RNF220: variants seen among roughly 807,000 people sequenced by gnomAD.
RNF220 encodes the protein E3 ubiquitin-protein ligase RNF220.
A neutral mutation model predicts 67.1 loss-of-function variants in RNF220; 7 were observed. That is an observed-to-expected ratio of 0.10 (90% CI 0.06 to 0.20). RNF220 has a LOEUF of 0.20. RNF220 is among the 10% of genes least tolerant of loss of function. The pLI, the probability that RNF220 is intolerant of heterozygous loss-of-function variation, is 1.00. For synonymous variants in RNF220, 270 were observed against 283.2 expected, an observed-to-expected ratio of 0.95 and a Z score of 0.47; for missense variants, 565 against 740.3, an observed-to-expected ratio of 0.76 and a Z score of 2.75.
chr1:44,448,711 GT>G (rs1252079771), intron 2 of RNF220, among the ~76,000 whole-genome samples: 4 of 152,212 alleles, frequency 2.6e-5, no homozygotes, highest in African/African-American at 9.6e-5. Context: ...AAGAAATTTA[GT>G]GTCTCGCCCT....
chr1:44,404,791 G>A (rs1305905779), upstream of RNF220, among the ~76,000 whole-genome samples: 3 of 152,124 alleles, frequency 2.0e-5, no homozygotes, highest in Non-Finnish European at 4.4e-5. Context: ...AAGACCCAGA[G>A]AAGCATTCCA....
chr1:44,524,168 C>T (rs1330276174), intron 2 of RNF220, among the ~76,000 whole-genome samples: 5 of 152,012 alleles, frequency 3.3e-5, no homozygotes, highest in South Asian at 4.1e-4. Context: ...AGCAAGGGCT[C>T]GTAAAGCTGC....
intron 5 of RNF220, among the ~76,000 whole-genome samples, chr1:44,627,682 A>G (rs953280933): frequency 5.3e-5 from 8 of 152,218 alleles, no homozygotes; most frequent in Non-Finnish European, 7.4e-5. Flanking sequence ...CATTTGTCCA[A>G]ATGGCAACAG....
At chr1:44,487,892 A>G (rs1015466182) in intron 2 of RNF220, among the ~76,000 whole-genome samples, 5 of 151,052 alleles carry the variant, frequency 3.3e-5, no homozygotes, top group African/African-American at 9.7e-5. Context: ...AAATAAATAA[A>G]TAAATATAAA....
At chr1:44,559,450 T>C (rs1398417703) in intron 2 of RNF220, among the ~76,000 whole-genome samples, 7 of 152,222 alleles carry the variant, frequency 4.6e-5, no homozygotes, top group Admixed American at 3.3e-4. Flanking sequence ...GCACTCTGCT[T>C]ATTAAGTGGA....
At chr1:44,514,910 G>A (rs1424644626) in intron 2 of RNF220, among the ~76,000 whole-genome samples, 2 of 152,130 alleles carry the variant, frequency 1.3e-5, no homozygotes, top group Admixed American at 6.5e-5. Context: ...GTCCAGCAGG[G>A]CAGGTAGAGT....
rs186288619 is a variant in RNF220, at chr1:44,623,956, G to C, written c.804+1169G>C. Reference sequence around the variant, plus strand: ...CTAAGAGGGCAGTTTTGGGAAAGGAGCCAGAGTGACAAGTATCACTTCCAT... The same window carrying C: ...CTAAGAGGGCAGTTTTGGGAAAGGACCCAGAGTGACAAGTATCACTTCCAT... On this transcript the variant is annotated intron_variant, in intron 4 of 14. Transcript: ENST00000361799. Among the ~76,000 whole-genome samples, 28 of 152,346 alleles carry C rather than the reference G, an allele frequency of 1.8e-4. No individual in the cohort carries two copies. The East Asian group carries it at 5.4e-3, about 29-fold the overall frequency.
intron 2 of RNF220, among the ~76,000 whole-genome samples, chr1:44,520,572 C>G (rs538119239): frequency 6.6e-6 from 1 of 152,330 alleles, no homozygotes; most frequent in African/African-American, 2.4e-5. Context: ...CATTTTGCCT[C>G]CTCTGCTCAA....
intron 2 of RNF220, among the ~76,000 whole-genome samples, chr1:44,438,323 A>G (rs115652485): frequency 0.023 from 3,567 of 152,018 alleles, 152 homozygotes; most frequent in African/African-American, 0.081. Context: ...GAGTCTCACA[A>G]TGTTGCCCAG....
intron 8 of RNF220, 51 bp from the exon 9 acceptor site, chr1:44,644,647 C>T (rs770481596): frequency 4.7e-6 from 7 of 1,479,160 alleles, no homozygotes; most frequent in Non-Finnish European, 6.6e-6. Flanking sequence ...AGGAGGGGCA[C>T]CCTTGGCCTC....
At chr1:44,527,001 G>A (rs933382785) in intron 2 of RNF220, among the ~76,000 whole-genome samples, 1 of 151,668 alleles carries the variant, frequency 6.6e-6, no homozygotes, top group Non-Finnish European at 1.5e-5. Context: ...CTTCAGTATC[G>A]CTGCTTCCCA....
In RNF220 at chr1:44,644,380, C is replaced by G. The variant is rs543966247; in HGVS notation, c.1127-318C>G. 101 of 286,572 alleles carry G rather than the reference C, an allele frequency of 3.5e-4. 1 individual carries two copies. The highest frequency in any genetic ancestry group is 2.2e-3 in the African/African-American group (100 of 46,288). The allele number at this position is 286,572 out of a possible 1,614,324, so 17.8% of individuals were successfully genotyped here. On this transcript the variant is annotated intron_variant, in intron 8 of 14. Coordinates refer to ENST00000361799, the MANE Select transcript of RNF220 (RefSeq NM_018150.4). Reference sequence around the variant, plus strand: ...TTTTTCTGTCCTCTTACTGTTCTTCCTAGACCTGGAAGATAGGTGGACAGC... The same window carrying G: ...TTTTTCTGTCCTCTTACTGTTCTTCGTAGACCTGGAAGATAGGTGGACAGC...
intron 2 of RNF220, among the ~76,000 whole-genome samples, chr1:44,597,161 C>T (rs1362139832): frequency 1.3e-5 from 2 of 152,134 alleles, no homozygotes; most frequent in African/African-American, 4.8e-5. Context: ...AGTTATACCA[C>T]CAAGGTATCC....
chr1:44,562,651 G>A (rs1235215373), intron 2 of RNF220, among the ~76,000 whole-genome samples: 1 of 152,154 alleles, frequency 6.6e-6, no homozygotes, highest in African/African-American at 2.4e-5. Flanking sequence ...TCGGGGTTGG[G>A]GGGTTGGTGC....
intron 2 of RNF220, among the ~76,000 whole-genome samples, chr1:44,444,145 G>A (rs944346510): frequency 1.3e-5 from 2 of 152,130 alleles, no homozygotes; most frequent in Non-Finnish European, 2.9e-5. Flanking sequence ...GAAGCCCCTT[G>A]TATGTTTCTC....
At position 44,650,087 on chromosome 1, in the gene RNF220, A is replaced by G; in HGVS notation, c.1629+130A>G. On this transcript the variant is annotated intron_variant, in intron 14 of 14. Transcript: ENST00000361799. The surrounding 1 kb of genome is among the most constrained non-coding windows in gnomAD (Gnocchi z 4.3). ...AAGGAGAACAGAGCCAGGAGCCAGG[A>G]TATTTACCCGCAGGATATTTACCCC... 1 of 962,322 alleles carries G rather than the reference A, an allele frequency of 1.0e-6. No individual in the cohort carries two copies. Among genetic ancestry groups the G allele is most frequent in the Non-Finnish European group, 1.5e-6 (1 of 648,706 alleles). 59.6% of individuals were successfully genotyped at this position (962,322 alleles called of 1,614,324 possible).
At chr1:44,499,866 G>A (rs780101937) in intron 2 of RNF220, among the ~76,000 whole-genome samples, 6 of 146,360 alleles carry the variant, frequency 4.1e-5, no homozygotes, top group East Asian at 1.9e-4. Context: ...TACCCTGCCC[G>A]TCAATAGCCA....
At chr1:44,607,781 G>A (rs952655465) in intron 2 of RNF220, among the ~76,000 whole-genome samples, 7 of 150,958 alleles carry the variant, frequency 4.6e-5, no homozygotes, top group African/African-American at 1.5e-4. Flanking sequence ...AAGCCACCAC[G>A]CCCGGCCAAA....
intron 2 of RNF220, among the ~76,000 whole-genome samples, chr1:44,413,631 C>A (rs891999454): frequency 2.6e-5 from 4 of 152,164 alleles, no homozygotes; most frequent in African/African-American, 9.7e-5. Flanking sequence ...TTTCTTCAAG[C>A]CTGGTGAGAA....
Sources: allele counts gnomAD v4.1 joint callset (sites outside exome capture counted in the v4.1 genomes callset), GRCh38; gene constraint gnomAD v4.1.1; non-coding constraint Gnocchi (gnomAD v3.1); transcripts MANE v1.5; gene names NCBI Gene and HGNC (gene_info 2026-07-23, HGNC 2026-07-21).